SND1: variants seen among roughly 807,000 people sequenced by gnomAD.
SND1 encodes staphylococcal nuclease and tudor domain containing 1, also known as staphylococcal nuclease domain-containing protein 1.
Under a neutral mutation model 121.7 loss-of-function variants are expected in SND1, and 38 were observed. The observed-to-expected ratio is 0.31, with a 90% CI of 0.24 to 0.41. SND1 has a LOEUF of 0.41. Among genes scored for constraint, SND1 ranks in the 10% least tolerant of loss-of-function variants. The pLI is 1.00. For missense variants in SND1, 868 were observed against 1,184.6 expected, an observed-to-expected ratio of 0.73 and a Z score of 3.92; for synonymous variants, 401 against 447.4, an observed-to-expected ratio of 0.90 and a Z score of 1.31.
chr7:127,808,547 G>A (rs779012106), intron 11 of SND1, among the ~76,000 whole-genome samples: 16 of 152,180 alleles, frequency 1.1e-4, no homozygotes, highest in Non-Finnish European at 1.0e-4. Context: ...CATTTTTATT[G>A]TATACCATAG....
intron 16 of SND1, among the ~76,000 whole-genome samples, chr7:128,016,056 T>G (rs1025375567): frequency 2.0e-5 from 3 of 152,152 alleles, no homozygotes; most frequent in Non-Finnish European, 2.9e-5. Context: ...ATGTCTAGAT[T>G]GCTATTACTG....
chr7:127,927,750 G>C (rs946855793), intron 14 of SND1, among the ~76,000 whole-genome samples: 2 of 152,206 alleles, frequency 1.3e-5, no homozygotes, highest in African/African-American at 4.8e-5. Context: ...AATGAGAGGA[G>C]CCCCTTTGGC....
rs145690247 is a variant in SND1 at position 127,905,636 on chromosome 7, G to C, written c.1527+817G>C. ...TGAAGAGAAGTAAAACTGGCCGAGG[G>C]GATAGTGAGTGGTGTAAGTGCTGAT... On this transcript the variant is annotated intron_variant, in intron 14 of 23. Transcript: ENST00000354725. 3.9e-3 allele frequency among the ~76,000 whole-genome samples: 590 copies of C among 152,208 alleles called. 2 individuals carry two copies. Among genetic ancestry groups the C allele is most frequent in the African/African-American group, 0.013 (524 of 41,538 alleles).
At chr7:127,663,913 T>C (rs1416338131) in intron 1 of SND1, among the ~76,000 whole-genome samples, 2 of 152,202 alleles carry the variant, frequency 1.3e-5, no homozygotes, top group Non-Finnish European at 2.9e-5. Flanking sequence ...GGCTCATAGC[T>C]CTTCCTCTTT....
chr7:128,061,738 C>G (rs1266012984), intron 16 of SND1, among the ~76,000 whole-genome samples: 1 of 152,272 alleles, frequency 6.6e-6, no homozygotes, highest in African/African-American at 2.4e-5. Context: ...CAGCCTCTGA[C>G]ATGCTGCATT....
chr7:127,771,610 A>T (rs1049506214), intron 10 of SND1, among the ~76,000 whole-genome samples: 1 of 151,462 alleles, frequency 6.6e-6, no homozygotes, highest in Non-Finnish European at 1.5e-5. Context: ...ATCATCAATT[A>T]AAAAAAAAGA....
At chr7:127,706,347 C>T (rs898348283) in intron 8 of SND1, among the ~76,000 whole-genome samples, 1 of 147,830 alleles carries the variant, frequency 6.8e-6, no homozygotes, top group African/African-American at 2.5e-5. Context: ...ACCTCTACCT[C>T]CCTGGTTCAA....
At chr7:128,022,999 T>C (rs1156610147) in intron 16 of SND1, among the ~76,000 whole-genome samples, 1 of 152,196 alleles carries the variant, frequency 6.6e-6, no homozygotes, top group African/African-American at 2.4e-5. Context: ...TCTTGGAAAG[T>C]TGATCTCCCT....
intron 1 of SND1, among the ~76,000 whole-genome samples, chr7:127,663,404 G>A (rs1043020657): frequency 9.4e-5 from 14 of 148,874 alleles, no homozygotes; most frequent in Non-Finnish European, 8.9e-5. Flanking sequence ...ATGGAGTCTC[G>A]CTCTGTCGCC....
At chr7:127,662,356 T>C (rs914645775) in intron 1 of SND1, among the ~76,000 whole-genome samples, 2 of 152,228 alleles carry the variant, frequency 1.3e-5, no homozygotes, top group Non-Finnish European at 2.9e-5. Flanking sequence ...CATTCTTTTT[T>C]AATGGTTGAG....
chr7:128,036,660 A>G (rs1367834625), intron 16 of SND1, among the ~76,000 whole-genome samples: 1 of 152,200 alleles, frequency 6.6e-6, no homozygotes, highest in Non-Finnish European at 1.5e-5. Context: ...CTCTAAGACT[A>G]AGTTTCTAGG....
intron 13 of SND1, among the ~76,000 whole-genome samples, chr7:127,888,750 A>T (rs1799955828): frequency 6.6e-6 from 1 of 152,042 alleles, no homozygotes; most frequent in African/African-American, 2.4e-5. Flanking sequence ...GACTGCTTGG[A>T]CTCAACCAAA....
At chr7:127,807,945 C>T (rs1198926599) in intron 11 of SND1, among the ~76,000 whole-genome samples, 1 of 152,146 alleles carries the variant, frequency 6.6e-6, no homozygotes, top group Non-Finnish European at 1.5e-5. Flanking sequence ...GCTGCTTTTT[C>T]ATGCTTCCCC....
intron 9 of SND1, among the ~76,000 whole-genome samples, chr7:127,714,884 C>T (rs555782742): frequency 3.3e-5 from 5 of 152,158 alleles, no homozygotes; most frequent in Non-Finnish European, 7.3e-5. Context: ...TGCTTACAAC[C>T]TGTTCATGTG....
intron 16 of SND1, chr7:127,997,791 CCCATCTCTCAGGTAGACTTA>C: frequency 1.9e-6 from 1 of 534,776 alleles, no homozygotes; most frequent in Non-Finnish European, 3.8e-6. Flanking sequence ...TTTTGTTTCT[CCCATCTCTCAGGTAGACTTA>C]CACTTTCGGC....
intron 1 of SND1, among the ~76,000 whole-genome samples, chr7:127,674,807 C>T (rs189082644): frequency 8.2e-4 from 125 of 152,082 alleles, no homozygotes; most frequent in Non-Finnish European, 6.6e-4. Flanking sequence ...TATTTTTTTC[C>T]TCCAAATTTA....
intron 16 of SND1, among the ~76,000 whole-genome samples, chr7:128,014,777 G>T (rs1197025358): frequency 6.6e-6 from 1 of 152,210 alleles, no homozygotes; most frequent in Non-Finnish European, 1.5e-5. Flanking sequence ...CCACAGCTGT[G>T]TCTGCAATTT....
chr7:127,702,615 G>T, intron 6 of SND1, 89 bp downstream of exon 6: 1 of 1,039,662 alleles, frequency 9.6e-7, no homozygotes, highest in African/African-American at 1.6e-5. Context: ...CGGATCTGCT[G>T]TTTCTTCCTA....
chr7:127,887,644 T>G (rs942196811), intron 12 of SND1, among the ~76,000 whole-genome samples: 1 of 151,958 alleles, frequency 6.6e-6, no homozygotes, highest in African/African-American at 2.4e-5. Flanking sequence ...TACAGATTTT[T>G]TTTTTTTTGC....
Sources: allele counts gnomAD v4.1 joint callset (sites outside exome capture counted in the v4.1 genomes callset), GRCh38; gene constraint gnomAD v4.1.1; transcripts MANE v1.5; gene names NCBI Gene and HGNC (gene_info 2026-07-23, HGNC 2026-07-21).